PRKAR2B: variants seen among roughly 807,000 people sequenced by gnomAD.
PRKAR2B encodes the protein cAMP-dependent protein kinase type II-beta regulatory subunit.
PRKAR2B carries 14 observed loss-of-function variants against 49.9 expected under a neutral mutation model. That is an observed-to-expected ratio of 0.28 (90% CI 0.19 to 0.44). The LOEUF (loss-of-function observed/expected upper bound fraction) is 0.44, where lower values mean the gene tolerates loss of function less well. Ranked by LOEUF, PRKAR2B falls within the 20% of genes least tolerant of loss-of-function variation. The probability of loss-of-function intolerance (pLI) is 1.00; values close to 1 mark genes in which losing one functional copy is unlikely to be tolerated. For synonymous variants in PRKAR2B, 196 were observed against 197.7 expected, an observed-to-expected ratio of 0.99 and a Z score of 0.07; for missense variants, 393 against 537.9, an observed-to-expected ratio of 0.73 and a Z score of 2.67.
At chr7:107,049,989 A>AT (rs1163874293) in intron 1 of PRKAR2B, among the ~76,000 whole-genome samples, 2 of 152,198 alleles carry the variant, frequency 1.3e-5, no homozygotes, top group South Asian at 2.1e-4. Context: ...AGTGATTGTG[A>AT]TTTTCAAAGC....
In PRKAR2B at chr7:107,072,370, G is replaced by C. The variant is rs371139772; in HGVS notation, c.343+2054G>C. Reference sequence around the variant, plus strand: ...GAATGAATCTTGACATTAATTATAAGAAAGAAAAGAGAACTAATTTATGGA... The same window carrying C: ...GAATGAATCTTGACATTAATTATAACAAAGAAAAGAGAACTAATTTATGGA... On this transcript the variant is annotated intron_variant, in intron 2 of 10. Transcript: ENST00000265717. 1.1e-4 allele frequency among the ~76,000 whole-genome samples: 17 copies of C among 152,110 alleles called. No individual in the cohort carries two copies. The East Asian group carries it at 3.3e-3, about 29-fold the overall frequency.
intron 4 of PRKAR2B, among the ~76,000 whole-genome samples, chr7:107,130,344 AC>A (rs1294080793): frequency 6.6e-6 from 1 of 151,806 alleles, no homozygotes; most frequent in African/African-American, 2.4e-5. Flanking sequence ...CTAAAAAAAT[AC>A]AAAAAAGTTA....
chr7:107,073,904 A>T (rs1377595078), intron 2 of PRKAR2B, among the ~76,000 whole-genome samples: 1 of 151,788 alleles, frequency 6.6e-6, no homozygotes, highest in Non-Finnish European at 1.5e-5. Context: ...CTACCAAAAA[A>T]TACAAAAATT....
At chr7:107,139,165 AT>A (rs2115633112) in intron 4 of PRKAR2B, among the ~76,000 whole-genome samples, 1 of 151,874 alleles carries the variant, frequency 6.6e-6, no homozygotes, top group East Asian at 1.9e-4. Flanking sequence ...ATGTGTTGTC[AT>A]TTTGCTGTTT....
chr7:107,055,715 C>T (rs889176399), intron 1 of PRKAR2B, among the ~76,000 whole-genome samples: 10 of 152,048 alleles, frequency 6.6e-5, no homozygotes, highest in Non-Finnish European at 1.0e-4. Context: ...GGATATTAGC[C>T]CTTTGTCAGA....
intron 2 of PRKAR2B, among the ~76,000 whole-genome samples, chr7:107,082,785 CAG>C (rs35984241): frequency 0.11 from 16,670 of 151,884 alleles, 1,011 homozygotes; most frequent in Middle Eastern, 0.17. Context: ...TTGGTAGAGA[CAG>C]AGTTTGACCA....
At chr7:107,142,853 C>T (rs935883611) in intron 5 of PRKAR2B, among the ~76,000 whole-genome samples, 9 of 152,088 alleles carry the variant, frequency 5.9e-5, no homozygotes, top group African/African-American at 2.2e-4. Context: ...ACCTCTGCCT[C>T]CCAGTTTCAA....
In PRKAR2B at chr7:107,045,316, C is replaced by A; in HGVS notation, c.307+102C>A. On this transcript the variant is annotated intron_variant, in intron 1 of 10. Transcript: ENST00000265717. ...CTTGCCGCTTTGCGCACCCACCTCT[C>A]CCCGCATTCTCCACCTTTCCCTACC... The A allele has an allele frequency of 5.0e-6, 5 of 1,007,174 alleles. No individual in the cohort carries two copies. In the South Asian group the frequency reaches 5.3e-5, roughly 11 times the overall value. The allele number at this position is 1,007,174 out of a possible 1,614,324, so 62.4% of individuals were successfully genotyped here.
intron 2 of PRKAR2B, among the ~76,000 whole-genome samples, chr7:107,108,223 C>T (rs1364427679): frequency 6.6e-6 from 1 of 152,128 alleles, no homozygotes; most frequent in African/African-American, 2.4e-5. Context: ...GTGACTCTGG[C>T]ATCCCAAAGT....
chr7:107,132,758 G>T (rs1795625822), intron 4 of PRKAR2B, among the ~76,000 whole-genome samples: 1 of 152,044 alleles, frequency 6.6e-6, no homozygotes, highest in South Asian at 2.1e-4. Flanking sequence ...GAATGATCTT[G>T]GCTTTGTGTC....
At chr7:107,055,500 C>T (rs1291180346) in intron 1 of PRKAR2B, among the ~76,000 whole-genome samples, 2 of 152,130 alleles carry the variant, frequency 1.3e-5, no homozygotes, top group Non-Finnish European at 2.9e-5. Context: ...TTAATGATCG[C>T]CATTCTAACT....
intron 2 of PRKAR2B, among the ~76,000 whole-genome samples, chr7:107,074,694 A>C (rs1584413322): frequency 6.6e-6 from 1 of 152,144 alleles, no homozygotes; most frequent in Non-Finnish European, 1.5e-5. Flanking sequence ...GCTACTTGGG[A>C]AGCTGAGGCG....
chr7:107,136,689 A>G (rs1251935398), intron 4 of PRKAR2B, among the ~76,000 whole-genome samples: 2 of 152,310 alleles, frequency 1.3e-5, no homozygotes, highest in East Asian at 3.9e-4. Flanking sequence ...TGGTTCAACA[A>G]CTCATTGCTG....
chr7:107,142,225 G>A (rs765817276), intron 5 of PRKAR2B, among the ~76,000 whole-genome samples: 1 of 152,070 alleles, frequency 6.6e-6, no homozygotes, highest in Non-Finnish European at 1.5e-5. Context: ...TCTGTGGGTG[G>A]TATCTTTCAT....
At chr7:107,083,197 A>G (rs1378777409) in intron 2 of PRKAR2B, among the ~76,000 whole-genome samples, 1 of 151,500 alleles carries the variant, frequency 6.6e-6, no homozygotes, top group Non-Finnish European at 1.5e-5. Flanking sequence ...AGCCTGGGCA[A>G]CAGAGCGAGA....
chr7:107,118,611 T>A (rs546159911), intron 2 of PRKAR2B, among the ~76,000 whole-genome samples: 1 of 152,136 alleles, frequency 6.6e-6, no homozygotes, highest in Non-Finnish European at 1.5e-5. Context: ...TGCAGTGTGG[T>A]AAATGACAAT....
chr7:107,094,154 C>T (rs1794790553), intron 2 of PRKAR2B, among the ~76,000 whole-genome samples: 1 of 152,220 alleles, frequency 6.6e-6, no homozygotes. Context: ...CCTATTTCTT[C>T]ACATCCTCTC....
At chr7:107,131,654 A>ATGAC (rs1795605880) in intron 4 of PRKAR2B, among the ~76,000 whole-genome samples, 1 of 152,168 alleles carries the variant, frequency 6.6e-6, no homozygotes, top group Non-Finnish European at 1.5e-5. Flanking sequence ...ACCACCTTGA[A>ATGAC]TGACTCCCTT....
rs540222864 is a variant in PRKAR2B at position 107,097,715 on chromosome 7, A to G, written c.344-24237A>G. ...TTTAGGGCAGGCCTGGTGGTGACAAAATCTCTCAGCATTTGCTTGTCTGTA... is the reference window on the plus strand; with the variant it reads ...TTTAGGGCAGGCCTGGTGGTGACAAGATCTCTCAGCATTTGCTTGTCTGTA... On this transcript the variant is annotated intron_variant, in intron 2 of 10. Coordinates refer to ENST00000265717, the MANE Select transcript of PRKAR2B (RefSeq NM_002736.3). Among the ~76,000 whole-genome samples the G allele has an allele frequency of 1.8e-4, 28 of 152,142 alleles. 1 individual carries two copies. In the South Asian group the frequency reaches 5.6e-3, roughly 31 times the overall value.
Sources: gnomAD v4.1 joint callset for allele counts (sites outside exome capture counted in the v4.1 genomes callset) on GRCh38, gnomAD v4.1.1 for gene constraint, MANE v1.5 for transcripts, NCBI Gene and HGNC (gene_info 2026-07-23, HGNC 2026-07-21) for gene names.